The following IFT80 variants were observed in gnomAD, a reference collection of about 807,000 sequenced individuals.
The protein encoded by IFT80 is intraflagellar transport protein 80 homolog.
IFT80 carries 79 observed loss-of-function variants against 107.9 expected under a neutral mutation model. That is an observed-to-expected ratio of 0.73 (90% confidence interval 0.61 to 0.88). The LOEUF is 0.88. Among genes scored for constraint, IFT80 ranks in the 40% least tolerant of loss-of-function variants. IFT80 has a pLI of 0.00. For missense variants in IFT80, 797 were observed against 914.2 expected, an observed-to-expected ratio of 0.87 and a Z score of 1.65; for synonymous variants, 299 against 300.9, an observed-to-expected ratio of 0.99 and a Z score of 0.07.
At position 160,284,310 on chromosome 3, in the gene IFT80, T is replaced by C. The variant is rs570238927; in HGVS notation, c.1380+1494A>G. Among the ~76,000 whole-genome samples the C allele has an allele frequency of 3.3e-5, 5 of 152,268 alleles. No homozygotes were observed. The East Asian group carries it at 9.6e-4, about 29-fold the overall frequency. Reference sequence around the variant, plus strand: ...TAAAATAAATATTTAAGCTTATTAATTGACTCTCCTTTCAATCCTACTAAC... The same window carrying C: ...TAAAATAAATATTTAAGCTTATTAACTGACTCTCCTTTCAATCCTACTAAC... On this transcript the variant is annotated intron_variant, in intron 13 of 19. Transcript: ENST00000326448.
At chr3:160,282,213 G>A (rs772446422) in intron 14 of IFT80, among the ~76,000 whole-genome samples, 5 of 152,124 alleles carry the variant, frequency 3.3e-5, no homozygotes, top group South Asian at 2.1e-4. Context: ...CCCAGGAAGC[G>A]GAGGTTTTGG....
intron 8 of IFT80, among the ~76,000 whole-genome samples, chr3:160,344,367 G>A (rs1292260115): frequency 3.3e-5 from 5 of 152,092 alleles, no homozygotes; most frequent in Non-Finnish European, 5.9e-5. Flanking sequence ...TCAACAAATG[G>A]TGCTGGGAAG....
At chr3:160,320,659 T>C (rs1016658738) in intron 8 of IFT80, among the ~76,000 whole-genome samples, 1 of 151,892 alleles carries the variant, frequency 6.6e-6, no homozygotes, top group Non-Finnish European at 1.5e-5. Context: ...GATGATTAAT[T>C]TGACTAAACT....
At chr3:160,272,333 A>C (rs1302766058) in intron 18 of IFT80, among the ~76,000 whole-genome samples, 1 of 151,984 alleles carries the variant, frequency 6.6e-6, no homozygotes, top group Non-Finnish European at 1.5e-5. Context: ...TGGCTATGTT[A>C]AAAAAAATTT....
intron 16 of IFT80, 82 bp from the exon 17 acceptor site, chr3:160,277,752 A>G: frequency 2.4e-6 from 2 of 842,556 alleles, no homozygotes; most frequent in Non-Finnish European, 3.9e-6. Context: ...TACTCATACT[A>G]AAATGATATT....
intron 1 of IFT80, among the ~76,000 whole-genome samples, chr3:160,385,729 T>C (rs1019232482): frequency 6.6e-6 from 1 of 152,228 alleles, no homozygotes; most frequent in Admixed American, 6.5e-5. Flanking sequence ...GGCACACTTC[T>C]TAAGTTCACT....
chr3:160,317,095 T>A (rs960464713), intron 9 of IFT80, among the ~76,000 whole-genome samples: 2 of 152,102 alleles, frequency 1.3e-5, no homozygotes, highest in Non-Finnish European at 2.9e-5. Flanking sequence ...AGGGGGTCCA[T>A]AAAAACAAGG....
chr3:160,271,512 T>C (rs1394638653), intron 18 of IFT80, among the ~76,000 whole-genome samples: 1 of 152,156 alleles, frequency 6.6e-6, no homozygotes, highest in African/African-American at 2.4e-5. Flanking sequence ...CTTCAGTTTT[T>C]GAGAACAGAC....
chr3:160,389,505 A>C (rs1171882714), intron 1 of IFT80, among the ~76,000 whole-genome samples: 1 of 109,188 alleles, frequency 9.2e-6, no homozygotes, highest in Non-Finnish European at 1.7e-5. Flanking sequence ...AACAGTCCCC[A>C]GAGTGTGATG....
intron 9 of IFT80, among the ~76,000 whole-genome samples, chr3:160,308,572 G>A (rs898930111): frequency 2.0e-5 from 3 of 151,950 alleles, no homozygotes; most frequent in African/African-American, 7.3e-5. Flanking sequence ...GAAAAATATA[G>A]GGGAAAAAAG....
chr3:160,278,690 C>T (rs1374950942), intron 16 of IFT80, among the ~76,000 whole-genome samples: 1 of 152,104 alleles, frequency 6.6e-6, no homozygotes, highest in East Asian at 1.9e-4. Flanking sequence ...TTAAAAAAAG[C>T]ATCTAAAAGT....
intron 12 of IFT80, among the ~76,000 whole-genome samples, chr3:160,289,502 C>T (rs935375998): frequency 5.9e-5 from 9 of 151,946 alleles, no homozygotes; most frequent in Non-Finnish European, 1.2e-4. Flanking sequence ...AAAAAGCAAA[C>T]GCTGATGGGG....
chr3:160,310,414 A>G (rs1717159003), intron 9 of IFT80, among the ~76,000 whole-genome samples: 1 of 152,230 alleles, frequency 6.6e-6, no homozygotes, highest in African/African-American at 2.4e-5. Context: ...CATGCTAGGA[A>G]ACCAACTTAT....
chr3:160,319,802 C>T lies in IFT80; in HGVS notation c.915G>A (p.Trp305Ter), dbSNP rs2108297928. ...TCGTTAATGTTACTTGAAAATTTTT[C>T]CACTCCCAATGTTGTTCCACCACAT... ...FAHVVEQHWE[W>*]KNFQVTLTKR... Residue 305 changes from tryptophan (W) to a stop codon, truncating the protein, a stop_gained, in exon 9 of 20, where the codon TGG becomes TGA. Coordinates refer to ENST00000326448, the MANE Select transcript of IFT80 (RefSeq NM_020800.3). LOFTEE classifies it high-confidence loss of function. 1 of 1,613,008 alleles carries T rather than the reference C, an allele frequency of 6.2e-7. No individual in the cohort carries two copies. Among genetic ancestry groups the T allele is most frequent in the East Asian group, 2.2e-5 (1 of 44,850 alleles).
At chr3:160,330,429 T>C (rs1383165717) in intron 8 of IFT80, among the ~76,000 whole-genome samples, 1 of 152,214 alleles carries the variant, frequency 6.6e-6, no homozygotes, top group East Asian at 1.9e-4. Flanking sequence ...TAAACCAGCT[T>C]CTCCTAGGTA....
At chr3:160,316,763 G>A in intron 9 of IFT80, among the ~76,000 whole-genome samples, 1 of 152,054 alleles carries the variant, frequency 6.6e-6, no homozygotes, top group Non-Finnish European at 1.5e-5. Flanking sequence ...CCAAGGCTGA[G>A]ATTTCTCCTG....
intron 9 of IFT80, 31 bp from the exon 10 acceptor site, chr3:160,307,812 C>T: frequency 9.2e-7 from 1 of 1,090,952 alleles, no homozygotes; most frequent in Admixed American, 1.7e-5. Context: ...TACCAATAAA[C>T]ATTATAACAT....
intron 8 of IFT80, among the ~76,000 whole-genome samples, chr3:160,353,877 G>A (rs1400531378): frequency 1.3e-5 from 2 of 151,990 alleles, no homozygotes; most frequent in Non-Finnish European, 2.9e-5. Flanking sequence ...TTAAATAAAA[G>A]ATAGAGGTTA....
intron 8 of IFT80, among the ~76,000 whole-genome samples, chr3:160,339,071 C>T (rs1405661808): frequency 6.6e-6 from 1 of 152,080 alleles, no homozygotes; most frequent in African/African-American, 2.4e-5. Context: ...CTTCAGGATG[C>T]TATGTTTCTG....
Sources: gnomAD v4.1 joint callset for allele counts (sites outside exome capture counted in the v4.1 genomes callset) on GRCh38, gnomAD v4.1.1 for gene constraint, MANE v1.5 for transcripts, NCBI Gene and HGNC (gene_info 2026-07-23, HGNC 2026-07-21) for gene names.